The following SCP2 variants were observed in gnomAD, a reference collection of about 807,000 sequenced individuals.
SCP2 encodes sterol carrier protein 2.
A neutral mutation model predicts 71.4 loss-of-function variants in SCP2; 48 were observed. That is an observed-to-expected ratio of 0.67 (90% CI 0.53 to 0.86). The LOEUF is 0.86. SCP2 is among the 40% of genes least tolerant of loss of function. The probability of loss-of-function intolerance (pLI) is 0.00; values close to 1 mark genes in which losing one functional copy is unlikely to be tolerated. For missense variants in SCP2, 560 were observed against 655.6 expected, an observed-to-expected ratio of 0.85 and a Z score of 1.59; for synonymous variants, 220 against 218.1, an observed-to-expected ratio of 1.01 and a Z score of -0.08.
intron 14 of SCP2, among the ~76,000 whole-genome samples, chr1:53,039,887 A>C (rs887302011): frequency 6.6e-6 from 1 of 152,212 alleles, no homozygotes; most frequent in Non-Finnish European, 1.5e-5. Context: ...TGGACACCTA[A>C]TAGGTATCGC....
chr1:52,969,938 T>C (rs1019910021), intron 6 of SCP2, among the ~76,000 whole-genome samples: 10 of 152,256 alleles, frequency 6.6e-5, no homozygotes, highest in Non-Finnish European at 1.0e-4. Flanking sequence ...CATTCCTTTT[T>C]ACTGCTTAAT....
intron 11 of SCP2, chr1:52,993,701 G>T (rs1659713054): frequency 1.2e-6 from 2 of 1,611,654 alleles, no homozygotes; most frequent in African/African-American, 1.3e-5. Flanking sequence ...TACAAAATAG[G>T]ACTCCCAACT....
At chr1:52,982,398 C>A (rs762415107) in intron 10 of SCP2, among the ~76,000 whole-genome samples, 3 of 151,890 alleles carry the variant, frequency 2.0e-5, no homozygotes, top group Non-Finnish European at 4.4e-5. Context: ...GTGAAACCCC[C>A]TCTCTACTAA....
At chr1:52,939,286 C>T (rs1265496726) in intron 1 of SCP2, among the ~76,000 whole-genome samples, 1 of 152,178 alleles carries the variant, frequency 6.6e-6, no homozygotes, top group East Asian at 1.9e-4. Context: ...TGGCTCGTGA[C>T]TGTAATCCCA....
intron 10 of SCP2, among the ~76,000 whole-genome samples, chr1:52,985,228 G>A (rs968285620): frequency 6.6e-6 from 1 of 152,044 alleles, no homozygotes; most frequent in Non-Finnish European, 1.5e-5. Flanking sequence ...TACTTTTTAG[G>A]GGTTTCTTTG....
At chr1:52,934,416 C>T (rs1371875237) in intron 1 of SCP2, among the ~76,000 whole-genome samples, 5 of 151,148 alleles carry the variant, frequency 3.3e-5, no homozygotes, top group Admixed American at 1.3e-4. Flanking sequence ...ACTCATGGAG[C>T]CGATATTTTT....
chr1:52,972,907 C>G (rs575009057), intron 6 of SCP2, among the ~76,000 whole-genome samples: 1 of 152,234 alleles, frequency 6.6e-6, no homozygotes, highest in African/African-American at 2.4e-5. Flanking sequence ...TGAAATCTCA[C>G]TGAGCTTGAG....
intron 1 of SCP2, among the ~76,000 whole-genome samples, chr1:52,939,425 G>C (rs1187502842): frequency 1.3e-5 from 2 of 151,914 alleles, no homozygotes; most frequent in Admixed American, 1.3e-4. Flanking sequence ...GAGCACCTGT[G>C]ATCTCAGCTA....
intron 6 of SCP2, among the ~76,000 whole-genome samples, chr1:52,973,156 T>C (rs1395573475): frequency 6.6e-6 from 1 of 152,234 alleles, no homozygotes; most frequent in Non-Finnish European, 1.5e-5. Context: ...AACTTTTCTC[T>C]AGGTCAATGC....
intron 5 of SCP2, among the ~76,000 whole-genome samples, chr1:52,960,520 A>G (rs530938518): frequency 0.014 from 1,570 of 114,520 alleles, 19 homozygotes; most frequent in African/African-American, 0.028. Flanking sequence ...GTGTGTGTGT[A>G]TATGTGTGTA....
chr1:52,966,964 G>T (rs1199429331), intron 6 of SCP2, among the ~76,000 whole-genome samples: 1 of 152,012 alleles, frequency 6.6e-6, no homozygotes, highest in Non-Finnish European at 1.5e-5. Flanking sequence ...AAGGTGGACG[G>T]ATTACCTGAG....
intron 11 of SCP2, among the ~76,000 whole-genome samples, chr1:53,012,927 T>TA (rs1661075250): frequency 6.6e-6 from 1 of 152,230 alleles, no homozygotes; most frequent in African/African-American, 2.4e-5. Context: ...GCAGCGTATC[T>TA]AAGACCAGTT....
At position 52,960,570 on chromosome 1, in the gene SCP2, ATATATGTATATATGTATG is replaced by A. The variant is rs1325168634; in HGVS notation, c.397-909_397-892del. Among the ~76,000 whole-genome samples, 13 of 146,346 alleles carry A rather than the reference ATATATGTATATATGTATG, an allele frequency of 8.9e-5. No individual in the cohort carries two copies. In the East Asian group the frequency reaches 2.4e-3, roughly 26 times the overall value. ...TATACATGTGTATATATGTATGTAT[ATATATGTATATATGTATG>A]TATATGTATATATGTATGTATATAT... On this transcript the variant is annotated intron_variant, in intron 5 of 15. Transcript: ENST00000371514.
intron 1 of SCP2, among the ~76,000 whole-genome samples, chr1:52,930,814 G>A (rs542232769): frequency 6.6e-6 from 1 of 152,170 alleles, no homozygotes; most frequent in African/African-American, 2.4e-5. Flanking sequence ...TTTAAGTTTT[G>A]GAACTGCCTT....
intron 11 of SCP2, among the ~76,000 whole-genome samples, chr1:53,000,252 CAAA>C (rs34392119): frequency 2.8e-4 from 26 of 92,108 alleles, no homozygotes; most frequent in Non-Finnish European, 5.7e-4. Flanking sequence ...TAGTTTCTAC[CAAA>C]AAAAAAAAAA....
At chr1:52,939,791 T>A (rs1654053650) in intron 1 of SCP2, among the ~76,000 whole-genome samples, 1 of 152,104 alleles carries the variant, frequency 6.6e-6, no homozygotes, top group South Asian at 2.1e-4. Flanking sequence ...TGTCTCAGCC[T>A]CCCGAGTAGC....
At chr1:52,974,348 G>A (rs1657759772) in intron 6 of SCP2, among the ~76,000 whole-genome samples, 2 of 152,050 alleles carry the variant, frequency 1.3e-5, no homozygotes, top group South Asian at 4.1e-4. Context: ...TTATCATAAG[G>A]AAAGGGAGGA....
In SCP2 at chr1:52,953,957, G is replaced by C. The variant is rs182143194; in HGVS notation, c.332-783G>C. Among the ~76,000 whole-genome samples the C allele has an allele frequency of 2.9e-3, 430 of 149,972 alleles. 5 individuals are homozygous for C. The highest frequency in any genetic ancestry group is 9.9e-3 in the African/African-American group (404 of 40,616). ...TGATTGCACTACTGCACTCCAGCCT[G>C]GGTGACAGAGTGAGACACTGTCTCA... On this transcript the variant is annotated intron_variant, in intron 4 of 15. Coordinates refer to ENST00000371514, the MANE Select transcript of SCP2 (RefSeq NM_002979.5).
At chr1:53,026,158 G>A (rs924728710) in intron 12 of SCP2, among the ~76,000 whole-genome samples, 6 of 152,052 alleles carry the variant, frequency 3.9e-5, no homozygotes, top group Admixed American at 3.9e-4. Context: ...TAGTCTCAGG[G>A]TACAAGTACT....
Sources: gnomAD v4.1 joint callset for allele counts (sites outside exome capture counted in the v4.1 genomes callset) on GRCh38, gnomAD v4.1.1 for gene constraint, MANE v1.5 for transcripts, NCBI Gene and HGNC (gene_info 2026-07-23, HGNC 2026-07-21) for gene names.